Variants in HEMK2 observed in about 807,000 individuals in gnomAD.
HEMK2 encodes the protein methyltransferase HEMK2.
the HEMK2 span, among the ~76,000 whole-genome samples, chr21:28,579,045 A>G: frequency 1.3e-5 from 2 of 152,318 alleles, no homozygotes; most frequent in East Asian, 3.9e-4. Context: ...ATTCTATTGA[A>G]TAACGTACTT....
At chr21:28,747,649 T>C in the HEMK2 span, among the ~76,000 whole-genome samples, 2 of 152,214 alleles carry the variant, frequency 1.3e-5, no homozygotes, top group Admixed American at 1.3e-4. Flanking sequence ...AAAATTCCTC[T>C]AGATAAATGT....
the HEMK2 span, among the ~76,000 whole-genome samples, chr21:28,702,882 C>G: frequency 6.6e-6 from 1 of 152,134 alleles, no homozygotes; most frequent in African/African-American, 2.4e-5. Context: ...CAGCACTATT[C>G]CCAATACCAA....
chr21:28,807,288 A>G, the HEMK2 span, among the ~76,000 whole-genome samples: 1 of 152,200 alleles, frequency 6.6e-6, no homozygotes, highest in South Asian at 2.1e-4. Flanking sequence ...CTACTAAGTT[A>G]TTTAAAGAAA....
At chr21:28,792,229 TCA>T in the HEMK2 span, among the ~76,000 whole-genome samples, 2 of 152,050 alleles carry the variant, frequency 1.3e-5, no homozygotes, top group African/African-American at 4.8e-5. Context: ...AAAATAACCA[TCA>T]AAATGCCAAC....
the HEMK2 span, among the ~76,000 whole-genome samples, chr21:28,675,819 G>A: frequency 0.15 from 22,463 of 152,126 alleles, 1,916 homozygotes; most frequent in African/African-American, 0.23. Flanking sequence ...TTCCTCACCC[G>A]CAGAGTGGAC....
the HEMK2 span, among the ~76,000 whole-genome samples, chr21:28,760,306 C>T: frequency 2.0e-5 from 3 of 152,172 alleles, no homozygotes; most frequent in Non-Finnish European, 2.9e-5. Context: ...ATATCAAGGC[C>T]TTCATCACTT....
the HEMK2 span, among the ~76,000 whole-genome samples, chr21:28,753,954 T>C: frequency 1.3e-5 from 2 of 152,208 alleles, no homozygotes; most frequent in Non-Finnish European, 1.5e-5. Context: ...AATAAAATAA[T>C]GCTCTCTTTT....
chr21:28,815,826 T>C, the HEMK2 span, among the ~76,000 whole-genome samples: 2 of 152,166 alleles, frequency 1.3e-5, no homozygotes. Context: ...AGGAAGGTCT[T>C]TACAGTAAAC....
the HEMK2 span, among the ~76,000 whole-genome samples, chr21:28,777,210 A>G: frequency 3.3e-5 from 5 of 152,212 alleles, no homozygotes; most frequent in African/African-American, 1.2e-4. Flanking sequence ...CAGCAAAGCA[A>G]TATCATCAAG....
the HEMK2 span, among the ~76,000 whole-genome samples, chr21:28,871,643 T>C: frequency 0.012 from 1,672 of 134,592 alleles, 23 homozygotes; most frequent in Middle Eastern, 0.067. Flanking sequence ...GGTAACTGTT[T>C]GTTGTAAAAC....
the HEMK2 span, among the ~76,000 whole-genome samples, chr21:28,853,675 G>GC: frequency 6.6e-6 from 1 of 152,202 alleles, no homozygotes; most frequent in Non-Finnish European, 1.5e-5. Flanking sequence ...CATCACTGTT[G>GC]CCTCAGGCAA....
the HEMK2 span, among the ~76,000 whole-genome samples, chr21:28,657,669 G>A: frequency 1.3e-5 from 2 of 152,054 alleles, no homozygotes; most frequent in African/African-American, 4.8e-5. Context: ...TTTGGACAAA[G>A]AATACTGGAG....
chr21:28,736,898 G>A, the HEMK2 span, among the ~76,000 whole-genome samples: 1 of 151,936 alleles, frequency 6.6e-6, no homozygotes, highest in African/African-American at 2.4e-5. Flanking sequence ...TTCATTTATT[G>A]ATATTTTGAG....
the HEMK2 span, chr21:28,883,046 A>C: frequency 1.2e-6 from 2 of 1,605,026 alleles, no homozygotes; most frequent in Non-Finnish European, 1.7e-6. Flanking sequence ...CCAGACCCTG[A>C]CCCTACTTCC....
the HEMK2 span, among the ~76,000 whole-genome samples, chr21:28,723,855 A>G: frequency 4.1e-4 from 62 of 152,340 alleles, 1 homozygote; most frequent in Non-Finnish European, 5.6e-4. Flanking sequence ...CGCAGCCAGC[A>G]CTGCCTTGCC....
chr21:28,822,930 G>T, the HEMK2 span, among the ~76,000 whole-genome samples: 1 of 152,052 alleles, frequency 6.6e-6, no homozygotes. Context: ...GACAACTGTA[G>T]TATGTTTGTA....
At chr21:28,633,943 G>A in the HEMK2 span, among the ~76,000 whole-genome samples, 1 of 152,152 alleles carries the variant, frequency 6.6e-6, no homozygotes, top group Non-Finnish European at 1.5e-5. Flanking sequence ...CCAGCTTCCT[G>A]TGCTGGGCCC....
chr21:28,700,701 AAAT>A, the HEMK2 span, among the ~76,000 whole-genome samples: 2 of 152,168 alleles, frequency 1.3e-5, no homozygotes, highest in African/African-American at 4.8e-5. Flanking sequence ...ATTCACAGCC[AAAT>A]TCTACCAGAT....
chr21:28,585,689 G>C, the HEMK2 span, among the ~76,000 whole-genome samples: 1 of 152,158 alleles, frequency 6.6e-6, no homozygotes, highest in African/African-American at 2.4e-5. Context: ...GACAATATGA[G>C]AGAAAGGTTA....
Sources: allele counts gnomAD v4.1 joint callset (sites outside exome capture counted in the v4.1 genomes callset), GRCh38; gene constraint gnomAD v4.1.1; transcripts MANE v1.5; gene names NCBI Gene and HGNC (gene_info 2026-07-23, HGNC 2026-07-21).